Variants in AGPS observed in about 807,000 individuals in gnomAD.
AGPS encodes the protein alkylglycerone phosphate synthase, also known as alkyldihydroxyacetonephosphate synthase, peroxisomal.
AGPS carries 26 observed loss-of-function variants against 90.7 expected under a neutral mutation model. The observed-to-expected ratio is 0.29, with a 90% CI of 0.21 to 0.40. The LOEUF is 0.40. AGPS is among the 10% of genes least tolerant of loss of function. AGPS has a pLI of 1.00. For missense variants in AGPS, 540 were observed against 816.1 expected, an observed-to-expected ratio of 0.66 and a Z score of 4.12; for synonymous variants, 294 against 285.3, an observed-to-expected ratio of 1.03 and a Z score of -0.31.
intron 1 of AGPS, among the ~76,000 whole-genome samples, chr2:177,416,740 A>AG (rs947542813): frequency 1.3e-5 from 2 of 152,050 alleles, no homozygotes; most frequent in African/African-American, 4.8e-5. Context: ...TATATTAGCC[A>AG]GGATGGTCTT....
chr2:177,523,435 C>T (rs977121001), intron 18 of AGPS, among the ~76,000 whole-genome samples: 1 of 152,132 alleles, frequency 6.6e-6, no homozygotes, highest in Non-Finnish European at 1.5e-5. Context: ...TAGAACCTGA[C>T]TCTACATTTA....
chr2:177,466,640 G>T (rs1276963197), intron 9 of AGPS, among the ~76,000 whole-genome samples: 1 of 152,260 alleles, frequency 6.6e-6, no homozygotes, highest in African/African-American at 2.4e-5. Flanking sequence ...TCTGGAGGGG[G>T]CTGAGGCAGC....
At chr2:177,483,327 C>T (rs187616132) in intron 11 of AGPS, among the ~76,000 whole-genome samples, 2 of 152,234 alleles carry the variant, frequency 1.3e-5, no homozygotes, top group East Asian at 3.9e-4. Flanking sequence ...TCCATACACT[C>T]ATAAAGTTTT....
intron 1 of AGPS, among the ~76,000 whole-genome samples, chr2:177,401,612 T>C (rs1044436291): frequency 5.9e-5 from 9 of 152,194 alleles, no homozygotes; most frequent in Non-Finnish European, 8.8e-5. Flanking sequence ...TGGCACGATC[T>C]CGGCTCACTG....
chr2:177,466,036 T>A (rs1263274223), intron 9 of AGPS, among the ~76,000 whole-genome samples: 1 of 152,154 alleles, frequency 6.6e-6, no homozygotes, highest in Non-Finnish European at 1.5e-5. Flanking sequence ...CAGAGGAGAC[T>A]CATATTGGGT....
intron 1 of AGPS, among the ~76,000 whole-genome samples, chr2:177,394,600 T>C (rs114371695): frequency 1.3e-5 from 2 of 152,158 alleles, no homozygotes; most frequent in Admixed American, 6.6e-5. Context: ...TGGGAGCAAA[T>C]TGAAGACAGT....
chr2:177,445,645 T>C lies in AGPS; in HGVS notation c.870+19T>C, dbSNP rs756043850. On this transcript the variant is annotated intron_variant, in intron 8 of 19. Coordinates refer to ENST00000264167, the MANE Select transcript of AGPS (RefSeq NM_003659.4). ...AAGACAGGTATGTTATTTATTTTTC[T>C]TATTTTTTTAAATTAACTTATTCTA... 2 of 1,523,778 alleles carry C rather than the reference T, an allele frequency of 1.3e-6. No homozygotes were observed. Among genetic ancestry groups the C allele is most frequent in the Non-Finnish European group, 1.8e-6 (2 of 1,125,870 alleles). The allele number at this position is 1,523,778 out of a possible 1,614,324, so 94.4% of individuals were successfully genotyped here. A position where few individuals can be genotyped will look rare whatever the true frequency, so the allele number is the denominator to read the frequency against.
At chr2:177,506,197 CT>C (rs1408724302) in intron 15 of AGPS, among the ~76,000 whole-genome samples, 2 of 145,582 alleles carry the variant, frequency 1.4e-5, no homozygotes, top group African/African-American at 5.1e-5. Context: ...TTCTTAATTG[CT>C]TTCTGCTGTT....
chr2:177,495,917 C>CAAAA (rs57571340), intron 12 of AGPS, among the ~76,000 whole-genome samples: 26 of 93,108 alleles, frequency 2.8e-4, no homozygotes, highest in Non-Finnish European at 4.2e-4. Context: ...GACTCTGTCT[C>CAAAA]AAAAAAAAAA....
intron 18 of AGPS, among the ~76,000 whole-genome samples, chr2:177,523,403 A>G (rs990004657): frequency 6.6e-6 from 1 of 152,202 alleles, no homozygotes; most frequent in South Asian, 2.1e-4. Context: ...TGTTGGTATA[A>G]TGAGAGATGT....
rs1446329271 is a variant in AGPS, at chr2:177,392,783, G to A, written c.-7G>A. 3.4e-6 allele frequency: 5 copies of A among 1,484,720 alleles called. No homozygotes were observed. Among genetic ancestry groups the A allele is most frequent in the Middle Eastern group, 2.4e-4 (1 of 4,128 alleles). The allele number at this position is 1,484,720 out of a possible 1,614,324, so 92.0% of individuals were successfully genotyped here. On this transcript the variant is annotated 5_prime_UTR_variant, in exon 1 of 20. Coordinates refer to ENST00000264167, the MANE Select transcript of AGPS (RefSeq NM_003659.4). ...GCGGTTCCGGGCGGCAGCACAAGGC[G>A]GTAGCCATGGCGGAGGCGGCGGCTG... is the stretch of plus-strand genomic sequence containing the variant.
chr2:177,497,564 G>A, intron 12 of AGPS, 125 bp from the exon 13 acceptor site: 1 of 423,884 alleles, frequency 2.4e-6, no homozygotes, highest in Non-Finnish European at 4.3e-6. Flanking sequence ...AATAACACGG[G>A]AAGATTTTAA....
At chr2:177,532,216 T>C (rs2079145097) in intron 19 of AGPS, among the ~76,000 whole-genome samples, 1 of 152,178 alleles carries the variant, frequency 6.6e-6, no homozygotes. Flanking sequence ...GCAAACCTTA[T>C]ATCCAAGAAA....
chr2:177,460,026 A>G (rs1422358183), intron 8 of AGPS, among the ~76,000 whole-genome samples: 3 of 152,228 alleles, frequency 2.0e-5, no homozygotes, highest in Admixed American at 6.5e-5. Flanking sequence ...GGACATGGAT[A>G]AAGCTGGAAA....
intron 8 of AGPS, among the ~76,000 whole-genome samples, chr2:177,458,183 C>T (rs1012232770): frequency 1.4e-4 from 22 of 152,256 alleles, no homozygotes; most frequent in African/African-American, 4.1e-4. Context: ...ATCGATGGAA[C>T]GTATCTCAAA....
intron 15 of AGPS, among the ~76,000 whole-genome samples, chr2:177,506,237 T>A (rs904259012): frequency 6.6e-5 from 10 of 151,714 alleles, no homozygotes; most frequent in African/African-American, 9.7e-5. Flanking sequence ...ATTTTTTATT[T>A]TTCCTGTTTA....
At chr2:177,523,933 T>C in intron 19 of AGPS, 128 bp downstream of exon 19, 1 of 818,586 alleles carries the variant, frequency 1.2e-6, no homozygotes, top group Admixed American at 2.0e-5. Flanking sequence ...AGTTTCTATG[T>C]CTTTGAAATA....
intron 5 of AGPS, 22 bp from the exon 6 acceptor site, chr2:177,440,943 T>G: frequency 1.2e-6 from 2 of 1,602,028 alleles, no homozygotes; most frequent in Non-Finnish European, 1.7e-6. Flanking sequence ...TGTAATTAAT[T>G]TATTTTCCCT....
At position 177,521,434 on chromosome 2, in the gene AGPS, A is replaced by C; in HGVS notation, c.1797+66A>C. 5 of 1,314,052 alleles carry C rather than the reference A, an allele frequency of 3.8e-6. No individual in the cohort carries two copies. In the South Asian group the frequency reaches 5.9e-5, roughly 15 times the overall value. The allele number at this position is 1,314,052 out of a possible 1,614,324, so 81.4% of individuals were successfully genotyped here. A position where few individuals can be genotyped will look rare whatever the true frequency, so the allele number is the denominator to read the frequency against. On this transcript the variant is annotated intron_variant, in intron 18 of 19. Coordinates refer to ENST00000264167, the MANE Select transcript of AGPS (RefSeq NM_003659.4). ...TTAATTTCAATAAATTTTACTGTCA[A>C]TTTATGAATTTTAAGTTGAGTCTCT...
Sources: gnomAD v4.1 joint callset for allele counts (sites outside exome capture counted in the v4.1 genomes callset) on GRCh38, gnomAD v4.1.1 for gene constraint, MANE v1.5 for transcripts, NCBI Gene and HGNC (gene_info 2026-07-23, HGNC 2026-07-21) for gene names.